The following WDR70 variants were observed in gnomAD, a reference collection of about 807,000 sequenced individuals.
WDR70 encodes WD repeat-containing protein 70.
A neutral mutation model predicts 88.6 loss-of-function variants in WDR70; 53 were observed. The observed-to-expected ratio is 0.60, with a 90% confidence interval of 0.48 to 0.75. WDR70 has a LOEUF of 0.75. Ranked by LOEUF, WDR70 falls within the 30% of genes least tolerant of loss-of-function variation. The pLI, the probability that WDR70 is intolerant of heterozygous loss-of-function variation, is 0.00. For missense variants in WDR70, 610 were observed against 823.2 expected (o/e 0.74, Z 3.17); for synonymous variants, 280 against 270.0 (o/e 1.04, Z -0.36).
At chr5:37,523,808 A>G (rs1379467568) in intron 9 of WDR70, among the ~76,000 whole-genome samples, 3 of 152,224 alleles carry the variant, frequency 2.0e-5, no homozygotes, top group Non-Finnish European at 4.4e-5. Context: ...GCTGAAAACC[A>G]TGGCAGGAGA....
chr5:37,473,499 C>A (rs1310674393), intron 7 of WDR70, among the ~76,000 whole-genome samples: 1 of 151,884 alleles, frequency 6.6e-6, no homozygotes, highest in Non-Finnish European at 1.5e-5. Flanking sequence ...TGTGCCATCA[C>A]GCTCAGCTAA....
At chr5:37,534,026 TTC>T (rs2112312634) in intron 9 of WDR70, among the ~76,000 whole-genome samples, 1 of 152,304 alleles carries the variant, frequency 6.6e-6, no homozygotes, top group East Asian at 1.9e-4. Flanking sequence ...GGTCTATGGA[TTC>T]TCTCAGCTTT....
chr5:37,408,377 G>A (rs1749420033), intron 5 of WDR70, among the ~76,000 whole-genome samples: 1 of 152,124 alleles, frequency 6.6e-6, no homozygotes, highest in South Asian at 2.1e-4. Flanking sequence ...AGGAGACTGA[G>A]GCAGGAGAAT....
At chr5:37,498,809 G>A (rs3941788) in intron 8 of WDR70, among the ~76,000 whole-genome samples, 62,222 of 152,106 alleles carry the variant, frequency 0.41, 15,137 homozygotes, top group Non-Finnish European at 0.54. Context: ...ACAAACATTT[G>A]TGTGTAGGTT....
chr5:37,420,201 A>AAATT (rs1375852527), intron 5 of WDR70, among the ~76,000 whole-genome samples: 1 of 152,212 alleles, frequency 6.6e-6, no homozygotes, highest in East Asian at 1.9e-4. Context: ...TCTACAAAAT[A>AAATT]AATTAATAAA....
rs575208096 is a variant in WDR70 at position 37,620,426 on chromosome 5, A to G, written c.1092+15188A>G. Among the ~76,000 whole-genome samples the G allele has an allele frequency of 1.1e-4, 16 of 152,262 alleles. No individual in the cohort carries two copies. In the South Asian group the frequency reaches 3.1e-3, roughly 30 times the overall value. On this transcript the variant is annotated intron_variant, in intron 10 of 17. Coordinates refer to ENST00000265107, the MANE Select transcript of WDR70 (RefSeq NM_018034.4). ...TGTTTTATTCTGAAAAACAGTTTTT[A>G]TATGCTCTCTATTTGAAAATGTAGC...
intron 9 of WDR70, among the ~76,000 whole-genome samples, chr5:37,553,176 CCTTT>C (rs1742192897): frequency 6.6e-6 from 1 of 152,054 alleles, no homozygotes; most frequent in Non-Finnish European, 1.5e-5. Flanking sequence ...AGAAAATAGC[CCTTT>C]CTTTATGAGT....
intron 9 of WDR70, among the ~76,000 whole-genome samples, chr5:37,545,541 G>GTT (rs113470000): frequency 6.9e-6 from 1 of 145,048 alleles, no homozygotes; most frequent in African/African-American, 2.5e-5. Context: ...TTTTGTTTTT[G>GTT]TTTTTTTTTT....
chr5:37,379,569 C>A lies in WDR70; in HGVS notation c.91+15C>A, dbSNP rs757918863. 6.2e-7 allele frequency: 1 copy of A among 1,613,574 alleles called. No homozygotes were observed. ...CACGGGGTTCGGTGAGTGACTGCCC[C>A]AGGCAGAGACCCTCTTCCTTGTGCA... On this transcript the variant is annotated intron_variant, in intron 2 of 17. Transcript: ENST00000265107.
rs188146453 is a variant in WDR70 at position 37,448,279 on chromosome 5, G to C, written c.686+4907G>C. On this transcript the variant is annotated intron_variant, in intron 7 of 17. Transcript: ENST00000265107. Reference sequence around the variant, plus strand: ...CTTATTAGTCTTTAAAACTTACTTGGTTTCTGGCACAACATGATGTAGGCT... The same window carrying C: ...CTTATTAGTCTTTAAAACTTACTTGCTTTCTGGCACAACATGATGTAGGCT... Among the ~76,000 whole-genome samples the C allele has an allele frequency of 1.1e-4, 17 of 152,100 alleles. No individual in the cohort carries two copies. The East Asian group carries it at 3.1e-3, about 28-fold the overall frequency.
Position 37,696,510 on chromosome 5 carries a change from C to T in WDR70, c.1093-1145C>T, listed in dbSNP as rs2112649257. On this transcript the variant is annotated intron_variant, in intron 10 of 17. Transcript: ENST00000265107. ...AGAGCAATGGAGATGAGCTCACTTG[C>T]ATTACCATACCTGTGGCTCCCAGGA... is the stretch of plus-strand genomic sequence containing the variant. 1.3e-5 allele frequency among the ~76,000 whole-genome samples: 2 copies of T among 152,274 alleles called. 1 individual carries two copies. The highest frequency in any genetic ancestry group is 4.1e-4 in the South Asian group (2 of 4,820).
At chr5:37,448,990 T>TC (rs1738581122) in intron 7 of WDR70, among the ~76,000 whole-genome samples, 1 of 152,244 alleles carries the variant, frequency 6.6e-6, no homozygotes, top group Non-Finnish European at 1.5e-5. Flanking sequence ...TTACATCATA[T>TC]CGGGGTACTT....
chr5:37,657,506 A>C (rs897334631), intron 10 of WDR70, among the ~76,000 whole-genome samples: 2 of 152,158 alleles, frequency 1.3e-5, no homozygotes, highest in Admixed American at 1.3e-4. Context: ...CTTGCTACTT[A>C]CTATGAATTT....
At chr5:37,483,366 CCATTTAACCCTGAGTG>C (rs1739735455) in intron 8 of WDR70, among the ~76,000 whole-genome samples, 1 of 152,026 alleles carries the variant, frequency 6.6e-6, no homozygotes, top group Admixed American at 6.6e-5. Context: ...CGCCCTTAAT[CCATTTAACCCTGAGTG>C]GACACAGCAC....
intron 5 of WDR70, among the ~76,000 whole-genome samples, chr5:37,433,362 A>T (rs1408082939): frequency 6.6e-5 from 10 of 152,162 alleles, no homozygotes; most frequent in Non-Finnish European, 1.5e-4. Flanking sequence ...TGCCTGGCCT[A>T]AAATCTCAGA....
chr5:37,531,616 T>C (rs1288691814), intron 9 of WDR70, among the ~76,000 whole-genome samples: 1 of 142,490 alleles, frequency 7.0e-6, no homozygotes, highest in Non-Finnish European at 1.5e-5. Context: ...TTGTCTGATA[T>C]AAGACTAGCT....
intron 5 of WDR70, among the ~76,000 whole-genome samples, chr5:37,422,705 C>T (rs1463747182): frequency 6.6e-6 from 1 of 151,896 alleles, no homozygotes; most frequent in African/African-American, 2.4e-5. Context: ...CTTGAACTCC[C>T]GACCTCAGGT....
At chr5:37,595,873 A>G (rs1298808774) in intron 9 of WDR70, among the ~76,000 whole-genome samples, 4 of 152,170 alleles carry the variant, frequency 2.6e-5, no homozygotes, top group Non-Finnish European at 5.9e-5. Flanking sequence ...AAATAATTTC[A>G]CTTTTTATCC....
chr5:37,629,663 A>T (rs1201066173), intron 10 of WDR70, among the ~76,000 whole-genome samples: 1 of 152,022 alleles, frequency 6.6e-6, no homozygotes, highest in South Asian at 2.1e-4. Context: ...TGAATTTATT[A>T]CTTATATCAT....
Sources: allele counts gnomAD v4.1 joint callset (sites outside exome capture counted in the v4.1 genomes callset), GRCh38; gene constraint gnomAD v4.1.1; transcripts MANE v1.5; gene names NCBI Gene and HGNC (gene_info 2026-07-23, HGNC 2026-07-21).